DLG2: variants seen among roughly 807,000 people sequenced by gnomAD.
DLG2 encodes discs large MAGUK scaffold protein 2, also known as disks large homolog 2.
Under a neutral mutation model 132.5 loss-of-function variants are expected in DLG2, and 45 were observed. That is an observed-to-expected ratio of 0.34 (90% CI 0.27 to 0.44). DLG2 has a LOEUF of 0.44. Among genes scored for constraint, DLG2 ranks in the 20% least tolerant of loss-of-function variants. The pLI, the probability that DLG2 is intolerant of heterozygous loss-of-function variation, is 1.00. For missense variants in DLG2, 1,045 were observed against 1,196.9 expected (o/e 0.87, Z 1.87); for synonymous variants, 424 against 419.6 (o/e 1.01, Z -0.13).
At chr11:83,759,523 T>A (rs1265998341) in intron 18 of DLG2, among the ~76,000 whole-genome samples, 1 of 152,178 alleles carries the variant, frequency 6.6e-6, no homozygotes, top group Admixed American at 6.5e-5. Context: ...GCTGTTTTTA[T>A]TGATTTTTTT....
chr11:84,137,565 A>C (rs541974269), intron 9 of DLG2, among the ~76,000 whole-genome samples: 1 of 152,270 alleles, frequency 6.6e-6, no homozygotes, highest in South Asian at 2.1e-4. Context: ...TCTCAAGGTT[A>C]TTATCAACAG....
chr11:85,241,509 T>C (rs1363929953), intron 4 of DLG2, among the ~76,000 whole-genome samples: 1 of 151,990 alleles, frequency 6.6e-6, no homozygotes, highest in Non-Finnish European at 1.5e-5. Flanking sequence ...TTTCTCTGTT[T>C]ACATTAATGG....
At chr11:85,534,239 C>T (rs1488372776) in intron 3 of DLG2, among the ~76,000 whole-genome samples, 3 of 151,992 alleles carry the variant, frequency 2.0e-5, no homozygotes, top group African/African-American at 4.8e-5. Context: ...GTGAAAGGTG[C>T]GCCTGGTCTA....
At chr11:84,483,515 C>G (rs28680171) in intron 7 of DLG2, among the ~76,000 whole-genome samples, 2 of 150,876 alleles carry the variant, frequency 1.3e-5, no homozygotes, top group African/African-American at 4.9e-5. Flanking sequence ...AATGAGGAAG[C>G]TGAAACTACT....
At chr11:83,896,682 C>T (rs2071807204) in intron 15 of DLG2, among the ~76,000 whole-genome samples, 1 of 152,066 alleles carries the variant, frequency 6.6e-6, no homozygotes, top group East Asian at 1.9e-4. Context: ...TTGTCTGGGG[C>T]TGGGGTGGGA....
chr11:83,590,784 C>T (rs1252875023), intron 19 of DLG2, among the ~76,000 whole-genome samples: 1 of 151,864 alleles, frequency 6.6e-6, no homozygotes, highest in Non-Finnish European at 1.5e-5. Context: ...ATCAAATAGA[C>T]ACAATAAAAA....
At chr11:84,334,822 G>A (rs1229941637) in intron 7 of DLG2, among the ~76,000 whole-genome samples, 1 of 152,048 alleles carries the variant, frequency 6.6e-6, no homozygotes, top group Admixed American at 6.5e-5. Context: ...AGAGGCTATG[G>A]GGGTATATAA....
intron 6 of DLG2, among the ~76,000 whole-genome samples, chr11:84,766,917 CA>C (rs1020187200): frequency 6.6e-6 from 1 of 151,972 alleles, no homozygotes. Flanking sequence ...ACTTGAGATT[CA>C]AAAATAGATC....
intron 3 of DLG2, among the ~76,000 whole-genome samples, chr11:85,492,058 T>A (rs1450268988): frequency 1.3e-5 from 2 of 152,088 alleles, no homozygotes; most frequent in South Asian, 2.1e-4. Context: ...AAATCAATGG[T>A]AAGAATAGTT....
At chr11:83,493,331 C>CT (rs1184108145) in intron 21 of DLG2, among the ~76,000 whole-genome samples, 1 of 140,024 alleles carries the variant, frequency 7.1e-6, no homozygotes, top group Non-Finnish European at 1.5e-5. Context: ...TTTGTCTTTT[C>CT]TTTCTTTCCT....
At chr11:83,622,570 C>T (rs2061802274) in intron 19 of DLG2, among the ~76,000 whole-genome samples, 1 of 152,176 alleles carries the variant, frequency 6.6e-6, no homozygotes, top group South Asian at 2.1e-4. Context: ...TTTAACACTG[C>T]TTTTGTTGCA....
At chr11:85,562,432 T>C (rs2077306647) in intron 3 of DLG2, among the ~76,000 whole-genome samples, 1 of 151,806 alleles carries the variant, frequency 6.6e-6, no homozygotes, top group Non-Finnish European at 1.5e-5. Flanking sequence ...ACACTCTTCA[T>C]GTATATATTT....
intron 9 of DLG2, among the ~76,000 whole-genome samples, chr11:84,106,979 G>T (rs796540051): frequency 3.8e-5 from 4 of 105,330 alleles, no homozygotes; most frequent in South Asian, 2.7e-4. Context: ...TTAGCCTTAG[G>T]GTGTGTGTGT....
In DLG2 at chr11:83,930,693, T is replaced by C. The variant is rs74409347; in HGVS notation, c.1341-210A>G. 2.4e-3 allele frequency among the ~76,000 whole-genome samples: 366 copies of C among 152,314 alleles called. 3 individuals are homozygous for C. Among genetic ancestry groups the C allele is most frequent in the African/African-American group, 8.5e-3 (352 of 41,572 alleles). On this transcript the variant is annotated intron_variant, in intron 14 of 27. Coordinates refer to ENST00000376104, the MANE Select transcript of DLG2 (RefSeq NM_001142699.3). ...TCTTCTGTGGGTAAAAGTGGCCCCATGAAAATGTTCAGTCCAATGTGATGT... is the reference window on the plus strand; with the variant it reads ...TCTTCTGTGGGTAAAAGTGGCCCCACGAAAATGTTCAGTCCAATGTGATGT...
At chr11:84,085,764 T>C (rs879837739) in intron 10 of DLG2, among the ~76,000 whole-genome samples, 37 of 152,182 alleles carry the variant, frequency 2.4e-4, no homozygotes, top group African/African-American at 8.0e-4. Context: ...TCAGAATATT[T>C]AGAATCCCAT....
chr11:84,172,527 T>G, intron 8 of DLG2, among the ~76,000 whole-genome samples: 1 of 73,830 alleles, frequency 1.4e-5, no homozygotes, highest in Non-Finnish European at 4.0e-5. Context: ...TCTTATTTAT[T>G]TATTTATTTA....
chr11:83,905,984 T>C (rs771642074), intron 15 of DLG2, among the ~76,000 whole-genome samples: 17 of 151,862 alleles, frequency 1.1e-4, no homozygotes, highest in Non-Finnish European at 1.9e-4. Flanking sequence ...TAGCTGTGTT[T>C]TGTTAGAAGT....
At chr11:84,825,245 TGTGATCAG>T (rs1278665245) in intron 6 of DLG2, among the ~76,000 whole-genome samples, 1 of 151,828 alleles carries the variant, frequency 6.6e-6, no homozygotes, top group Non-Finnish European at 1.5e-5. Flanking sequence ...GCTGAAGTCT[TGTGATCAG>T]ATCATCTTAC....
intron 7 of DLG2, among the ~76,000 whole-genome samples, chr11:84,498,095 G>A (rs776045239): frequency 2.3e-4 from 35 of 152,274 alleles, no homozygotes; most frequent in Non-Finnish European, 3.1e-4. Context: ...GATAGTCACC[G>A]CCTATCTATC....
Sources: allele counts gnomAD v4.1 joint callset (sites outside exome capture counted in the v4.1 genomes callset), GRCh38; gene constraint gnomAD v4.1.1; transcripts MANE v1.5; gene names NCBI Gene and HGNC (gene_info 2026-07-23, HGNC 2026-07-21).